NRXN3: variants seen among roughly 807,000 people sequenced by gnomAD.
NRXN3 encodes neurexin 3, also known as neurexin III.
A neutral mutation model predicts 137.6 loss-of-function variants in NRXN3; 32 were observed. The ratio of observed to expected loss-of-function variants is 0.23; its 90% CI spans 0.18 to 0.31. The LOEUF (loss-of-function observed/expected upper bound fraction) is 0.31, where lower values mean the gene tolerates loss of function less well. NRXN3 is among the 10% of genes least tolerant of loss of function. NRXN3 has a pLI of 1.00. For synonymous variants in NRXN3, 798 were observed against 784.5 expected (o/e 1.02, Z -0.29); for missense variants, 1,574 against 2,062.5 (o/e 0.76, Z 4.59).
intron 1 of NRXN3, among the ~76,000 whole-genome samples, chr14:78,188,360 G>A (rs182172205): frequency 5.9e-5 from 9 of 152,280 alleles, no homozygotes; most frequent in East Asian, 3.9e-4. Flanking sequence ...CACCTGGAGC[G>A]CAGATGTGAT....
intron 15 of NRXN3, among the ~76,000 whole-genome samples, chr14:79,212,166 G>T (rs948420804): frequency 6.6e-6 from 1 of 152,146 alleles, no homozygotes; most frequent in Non-Finnish European, 1.5e-5. Context: ...AACAGACAGA[G>T]CCCCTGTGAG....
At chr14:79,685,895 C>T (rs2098692649) in intron 17 of NRXN3, among the ~76,000 whole-genome samples, 1 of 152,110 alleles carries the variant, frequency 6.6e-6, no homozygotes, top group African/African-American at 2.4e-5. Flanking sequence ...CAACCAGCAA[C>T]AGACAGCAAG....
intron 15 of NRXN3, among the ~76,000 whole-genome samples, chr14:79,096,625 T>C (rs938604759): frequency 6.6e-6 from 1 of 151,482 alleles, no homozygotes. Context: ...AAAAAACTAC[T>C]AGCACTATAT....
intron 1 of NRXN3, among the ~76,000 whole-genome samples, chr14:78,176,304 A>T (rs2059259878): frequency 6.6e-6 from 1 of 151,788 alleles, no homozygotes. Flanking sequence ...CATCATCATC[A>T]TAGTAGTGGT....
chr14:78,365,375 C>CAG (rs1260266685), intron 4 of NRXN3, among the ~76,000 whole-genome samples: 5 of 152,144 alleles, frequency 3.3e-5, no homozygotes. Context: ...GTCAGCTGAG[C>CAG]AGAGTAAGGC....
At chr14:78,673,532 A>T (rs1375717502) in intron 6 of NRXN3, among the ~76,000 whole-genome samples, 3 of 152,186 alleles carry the variant, frequency 2.0e-5, no homozygotes, top group Admixed American at 2.0e-4. Flanking sequence ...AGATTCCCAG[A>T]TGTCTCCGTC....
At chr14:79,112,905 G>A (rs1184098433) in intron 15 of NRXN3, among the ~76,000 whole-genome samples, 1 of 152,122 alleles carries the variant, frequency 6.6e-6, no homozygotes, top group African/African-American at 2.4e-5. Flanking sequence ...AAAAGATTAG[G>A]CAAAGTTTAA....
At chr14:78,881,551 T>G (rs2099129186) in intron 10 of NRXN3, among the ~76,000 whole-genome samples, 2 of 151,490 alleles carry the variant, frequency 1.3e-5, no homozygotes, top group Admixed American at 6.6e-5. Flanking sequence ...TTGCCCCTGC[T>G]CTAGAGATCT....
intron 16 of NRXN3, among the ~76,000 whole-genome samples, chr14:79,573,789 A>G (rs2097637685): frequency 6.6e-6 from 1 of 152,038 alleles, no homozygotes; most frequent in Admixed American, 6.6e-5. Context: ...TAATTTTGTA[A>G]TCTTTTATCA....
intron 15 of NRXN3, among the ~76,000 whole-genome samples, chr14:79,314,370 G>A (rs11504641): frequency 1.9e-5 from 1 of 53,036 alleles, no homozygotes; most frequent in Non-Finnish European, 3.8e-5. Context: ...CTTAAGAAAC[G>A]GCGCACCACG....
In NRXN3 at chr14:78,976,697, A is replaced by C. The variant is rs28508487; in HGVS notation, c.3142+8351A>C. On this transcript the variant is annotated intron_variant, in intron 14 of 20. Transcript: ENST00000335750. ...AAATAATAAGAGAGACATAAATTGCAGTGAACTTCCCATTATTGTTCTTGT... is the reference window on the plus strand; with the variant it reads ...AAATAATAAGAGAGACATAAATTGCCGTGAACTTCCCATTATTGTTCTTGT... Among the ~76,000 whole-genome samples, 198 of 152,312 alleles carry C rather than the reference A, an allele frequency of 1.3e-3. 1 individual carries two copies. Among genetic ancestry groups the C allele is most frequent in the African/African-American group, 4.5e-3 (189 of 41,568 alleles).
intron 3 of NRXN3, among the ~76,000 whole-genome samples, chr14:78,292,989 C>T (rs2075960666): frequency 6.6e-6 from 1 of 152,180 alleles, no homozygotes; most frequent in Non-Finnish European, 1.5e-5. Context: ...CTACAACATA[C>T]AGAATGCATG....
At chr14:78,974,156 A>C (rs1297132152) in intron 14 of NRXN3, among the ~76,000 whole-genome samples, 2 of 152,204 alleles carry the variant, frequency 1.3e-5, no homozygotes, top group Non-Finnish European at 2.9e-5. Context: ...CCTTGTGGCA[A>C]TACTGTTGTT....
chr14:78,456,284 C>T lies in NRXN3; in HGVS notation c.757+158424C>T, dbSNP rs541435658. On this transcript the variant is annotated intron_variant, in intron 4 of 20. Coordinates refer to ENST00000335750, the MANE Select transcript of NRXN3 (RefSeq NM_001330195.2). ...GAAGTAAACCTTGTAAAGAAAAGTA[C>T]AAAAAGCGGCTCAGGTTTGCTTCTC... is the stretch of plus-strand genomic sequence containing the variant. Among the ~76,000 whole-genome samples the T allele has an allele frequency of 6.3e-4, 96 of 152,102 alleles. 1 individual carries two copies. The highest frequency in any genetic ancestry group is 1.2e-3 in the Non-Finnish European group (80 of 68,002).
intron 6 of NRXN3, among the ~76,000 whole-genome samples, chr14:78,655,934 A>C (rs905056751): frequency 3.3e-5 from 5 of 152,076 alleles, no homozygotes; most frequent in Admixed American, 2.0e-4. Flanking sequence ...CACATGGAAA[A>C]AAGAGGATAA....
At chr14:79,538,396 G>A (rs1199285597) in intron 16 of NRXN3, among the ~76,000 whole-genome samples, 1 of 152,102 alleles carries the variant, frequency 6.6e-6, no homozygotes, top group African/African-American at 2.4e-5. Context: ...GTATTGCCTA[G>A]GTTTTCTTCT....
intron 1 of NRXN3, among the ~76,000 whole-genome samples, chr14:78,193,831 G>A (rs1716402881): frequency 6.6e-6 from 1 of 151,498 alleles, no homozygotes; most frequent in African/African-American, 2.4e-5. Flanking sequence ...AAGGCATCTG[G>A]CAGCCCCTGC....
At chr14:79,459,757 C>A (rs976849754) in intron 15 of NRXN3, among the ~76,000 whole-genome samples, 9 of 151,608 alleles carry the variant, frequency 5.9e-5, no homozygotes, top group Non-Finnish European at 1.0e-4. Context: ...TTGATATTAA[C>A]ATTAGTCTAG....
chr14:78,502,878 G>GAT (rs966487467), intron 4 of NRXN3, among the ~76,000 whole-genome samples: 1 of 152,158 alleles, frequency 6.6e-6, no homozygotes, highest in Non-Finnish European at 1.5e-5. Context: ...CTGCTCTTAA[G>GAT]ATCTCTCTCC....
Sources: gnomAD v4.1 joint callset for allele counts (sites outside exome capture counted in the v4.1 genomes callset) on GRCh38, gnomAD v4.1.1 for gene constraint, MANE v1.5 for transcripts, NCBI Gene and HGNC (gene_info 2026-07-23, HGNC 2026-07-21) for gene names.